The following NELL2 variants were observed in gnomAD, a reference collection of about 807,000 sequenced individuals.
The protein encoded by NELL2 is neural EGFL like 2.
A neutral mutation model predicts 109.6 loss-of-function variants in NELL2; 41 were observed. The observed-to-expected ratio is 0.37, with a 90% CI of 0.29 to 0.49. The LOEUF (loss-of-function observed/expected upper bound fraction) is 0.49, where lower values mean the gene tolerates loss of function less well. Ranked by LOEUF, NELL2 falls within the 20% of genes least tolerant of loss-of-function variation. The pLI is 0.98. For synonymous variants in NELL2, 355 were observed against 344.7 expected (o/e 1.03, Z -0.33); for missense variants, 900 against 1,008.3 (o/e 0.89, Z 1.45).
intron 9 of NELL2, among the ~76,000 whole-genome samples, chr12:44,771,237 C>T (rs1941535563): frequency 6.6e-6 from 1 of 151,976 alleles, no homozygotes. Context: ...GTGGTGAAGG[C>T]AAACTCTGCT....
At chr12:44,569,397 C>T (rs1943778651) in intron 15 of NELL2, among the ~76,000 whole-genome samples, 1 of 151,990 alleles carries the variant, frequency 6.6e-6, no homozygotes, top group South Asian at 2.1e-4. Context: ...GGATATATGC[C>T]CAATAATGAG....
chr12:44,694,346 T>C (rs1056289624), intron 12 of NELL2, among the ~76,000 whole-genome samples: 2 of 152,118 alleles, frequency 1.3e-5, no homozygotes, highest in African/African-American at 4.8e-5. Context: ...ACTTATATCA[T>C]TGAGTCTCCA....
chr12:44,815,295 T>G (rs558223811), intron 3 of NELL2, among the ~76,000 whole-genome samples: 3 of 152,338 alleles, frequency 2.0e-5, no homozygotes, highest in African/African-American at 7.2e-5. Flanking sequence ...CAGCTGTCAC[T>G]GCTGCCAACT....
chr12:44,805,340 A>G (rs901944547), intron 3 of NELL2, among the ~76,000 whole-genome samples: 8 of 151,980 alleles, frequency 5.3e-5, no homozygotes, highest in African/African-American at 1.4e-4. Flanking sequence ...TAAGTATCAA[A>G]TCTTATAAAA....
In NELL2 at chr12:44,540,781, C is replaced by CAAAAAAAAAAAAAAAAAAAAAAAA. The variant is rs57205620; in HGVS notation, c.1664-8061_1664-8060insTTTTTTTTTTTTTTTTTTTTTTTT. 1.3e-3 allele frequency among the ~76,000 whole-genome samples: 66 copies of CAAAAAAAAAAAAAAAAAAAAAAAA among 49,724 alleles called. 17 individuals are homozygous for CAAAAAAAAAAAAAAAAAAAAAAAA. Among genetic ancestry groups the CAAAAAAAAAAAAAAAAAAAAAAAA allele is most frequent in the East Asian group, 3.5e-3 (4 of 1,158 alleles). The allele number at this position is 49,724 out of a possible 152,430, so 32.6% of individuals were successfully genotyped here. ...AGCTTACTAATGTAAGTCTGCAAGC[C>CAAAAAAAAAAAAAAAAAAAAAAAA]AAAAAAAAAAAAAAAAAGCCCATCC... On this transcript the variant is annotated intron_variant, in intron 15 of 19. Transcript: ENST00000429094.
At chr12:44,800,709 A>G (rs116663981) in intron 3 of NELL2, among the ~76,000 whole-genome samples, 2,203 of 152,314 alleles carry the variant, frequency 0.014, 52 homozygotes, top group African/African-American at 0.05. Flanking sequence ...CTAAAAATCA[A>G]TAGAAATTCT....
At position 44,609,208 on chromosome 12, in the gene NELL2, C is replaced by A. The variant is rs189517205; in HGVS notation, c.1567+1640G>T. Among the ~76,000 whole-genome samples, 649 of 151,952 alleles carry A rather than the reference C, an allele frequency of 4.3e-3. 11 individuals carry two copies. Among genetic ancestry groups the A allele is most frequent in the South Asian group, 0.033 (158 of 4,820 alleles). On this transcript the variant is annotated intron_variant, in intron 14 of 19. Transcript: ENST00000429094. ...CAAGCAATCCATCTGCCTTGGCCCC[C>A]CAAAGTGCTAGGATTACAGGTGTGA...
At chr12:44,615,457 A>G (rs1332400544) in intron 13 of NELL2, among the ~76,000 whole-genome samples, 1 of 152,158 alleles carries the variant, frequency 6.6e-6, no homozygotes, top group African/African-American at 2.4e-5. Flanking sequence ...TTTTCATAAC[A>G]GAAAATTAAA....
intron 12 of NELL2, among the ~76,000 whole-genome samples, chr12:44,666,441 TC>T (rs1566118196): frequency 6.6e-6 from 1 of 152,158 alleles, no homozygotes; most frequent in East Asian, 1.9e-4. Context: ...CATCCAGAAG[TC>T]TGCATTCTCA....
Position 44,816,004 on chromosome 12 carries a change from A to C in NELL2, c.317T>G (p.Ile106Ser). Residue 106 changes from isoleucine to serine, a missense_variant, in exon 3 of 20, where the codon ATT becomes AGT. Physicochemically the swap from Ile to Ser is moderately radical, Grantham distance 142 (BLOSUM62 -2). This residue lies in a region of NELL2 where 200 missense variants were observed against 191.8 expected (regional missense o/e 1.04). Transcript: ENST00000429094. ...THLNSGVILS[I>S]HHLDHRYLEL... ...CATTTACCTGTGATCCAAGTGGTGA[A>C]TTGAGAGAATAACTCCTGAATTTAA... is the stretch of plus-strand genomic sequence containing the variant. 1.9e-6 allele frequency: 3 copies of C among 1,611,960 alleles called. No individual in the cohort carries two copies. Among genetic ancestry groups the C allele is most frequent in the Non-Finnish European group, 2.5e-6 (3 of 1,179,494 alleles).
Position 44,690,206 on chromosome 12 carries a change from T to C in NELL2, c.1318+13520A>G, listed in dbSNP as rs925226774. On this transcript the variant is annotated intron_variant, in intron 12 of 19. Transcript: ENST00000429094. ...TGGTTTTGATGCAGCCTGAAACACA[T>C]TCTAAGATACAGTGTTAGAAAACCA... is the stretch of plus-strand genomic sequence containing the variant. 3.9e-5 allele frequency among the ~76,000 whole-genome samples: 6 copies of C among 152,144 alleles called. No homozygotes were observed. The South Asian group carries it at 6.2e-4, about 16-fold the overall frequency.
upstream of NELL2, chr12:44,876,901 G>A (rs1214579664): frequency 7.9e-7 from 1 of 1,269,812 alleles, no homozygotes; most frequent in Non-Finnish European, 1.0e-6. Context: ...TCCTGGTGGA[G>A]AGGTTCCCTG....
intron 13 of NELL2, among the ~76,000 whole-genome samples, chr12:44,639,803 A>T (rs940827391): frequency 5.9e-5 from 9 of 152,082 alleles, no homozygotes; most frequent in Non-Finnish European, 1.2e-4. Context: ...TACTTAAAAC[A>T]CTTCAATGGC....
intron 13 of NELL2, among the ~76,000 whole-genome samples, chr12:44,645,313 A>G (rs1479998283): frequency 1.3e-5 from 2 of 152,226 alleles, no homozygotes; most frequent in African/African-American, 4.8e-5. Flanking sequence ...TGTGCAGAAC[A>G]TACTGGAGAT....
chr12:44,801,583 A>T (rs919072401), intron 3 of NELL2, among the ~76,000 whole-genome samples: 10 of 152,122 alleles, frequency 6.6e-5, no homozygotes, highest in Admixed American at 2.0e-4. Flanking sequence ...GTAACATCGG[A>T]CATGAGCCTA....
intron 13 of NELL2, among the ~76,000 whole-genome samples, chr12:44,628,805 G>A (rs1194922541): frequency 2.6e-5 from 4 of 152,144 alleles, no homozygotes; most frequent in Non-Finnish European, 4.4e-5. Flanking sequence ...CAGTACCCAG[G>A]CCGTATCAGG....
chr12:44,571,232 G>A (rs1332329226), intron 15 of NELL2, among the ~76,000 whole-genome samples: 2 of 152,098 alleles, frequency 1.3e-5, no homozygotes, highest in Non-Finnish European at 2.9e-5. Flanking sequence ...TGGGGCAATC[G>A]TTAAAGAGTT....
At chr12:44,712,470 A>G (rs1365475556) in intron 10 of NELL2, among the ~76,000 whole-genome samples, 4 of 151,982 alleles carry the variant, frequency 2.6e-5, no homozygotes, top group African/African-American at 4.8e-5. Context: ...CTGTGTTACT[A>G]TGAAAGTCAC....
At chr12:44,861,622 T>C (rs1017091342) in intron 2 of NELL2, among the ~76,000 whole-genome samples, 2 of 152,074 alleles carry the variant, frequency 1.3e-5, no homozygotes, top group Admixed American at 6.5e-5. Flanking sequence ...AATACCAAGC[T>C]GGCAGCCTCT....
Sources: gnomAD v4.1 joint callset for allele counts (sites outside exome capture counted in the v4.1 genomes callset) on GRCh38, gnomAD v4.1.1 for gene constraint, gnomAD v4.1.1 regional missense constraint, MANE v1.5 for transcripts, NCBI Gene and HGNC (gene_info 2026-07-23, HGNC 2026-07-21) for gene names.